ZNF521: variants seen among roughly 807,000 people sequenced by gnomAD.
ZNF521 encodes LYST-interacting protein 3.
ZNF521 carries 14 observed loss-of-function variants against 105.5 expected under a neutral mutation model. The ratio of observed to expected loss-of-function variants is 0.13; its 90% CI spans 0.09 to 0.21. The LOEUF is 0.21. Ranked by LOEUF, ZNF521 falls within the 10% of genes least tolerant of loss-of-function variation. The probability of loss-of-function intolerance (pLI) is 1.00; values close to 1 mark genes in which losing one functional copy is unlikely to be tolerated. For synonymous variants in ZNF521, 635 were observed against 606.0 expected (o/e 1.05, Z -0.70); for missense variants, 1,233 against 1,629.7 (o/e 0.76, Z 4.19).
chr18:25,284,953 G>C (rs1243467080), intron 3 of ZNF521, among the ~76,000 whole-genome samples: 4 of 151,102 alleles, frequency 2.6e-5, no homozygotes, highest in Non-Finnish European at 4.4e-5. Flanking sequence ...TCAGGCATCT[G>C]ACTATTTCAA....
At chr18:25,108,607 T>C (rs2034120432) in intron 5 of ZNF521, among the ~76,000 whole-genome samples, 3 of 152,166 alleles carry the variant, frequency 2.0e-5, no homozygotes, top group South Asian at 4.1e-4. Flanking sequence ...CCAAATACAA[T>C]AGAGCTATGG....
intron 3 of ZNF521, among the ~76,000 whole-genome samples, chr18:25,245,128 T>C (rs929130123): frequency 3.3e-5 from 5 of 152,258 alleles, no homozygotes; most frequent in Non-Finnish European, 7.3e-5. Context: ...CAAGGTTGTT[T>C]AGCCTCAGCA....
chr18:25,095,769 A>G (rs1252677123), intron 5 of ZNF521, among the ~76,000 whole-genome samples: 1 of 152,234 alleles, frequency 6.6e-6, no homozygotes, highest in East Asian at 1.9e-4. Flanking sequence ...TATTCTAGCC[A>G]CGTATGTACA....
intron 7 of ZNF521, among the ~76,000 whole-genome samples, chr18:25,063,878 C>T (rs1299353139): frequency 6.6e-6 from 1 of 152,196 alleles, no homozygotes; most frequent in Non-Finnish European, 1.5e-5. Flanking sequence ...TCACCACTTC[C>T]ATCCTCACCC....
intron 5 of ZNF521, among the ~76,000 whole-genome samples, chr18:25,092,338 T>C (rs9967069): frequency 0.011 from 1,697 of 152,324 alleles, 32 homozygotes; most frequent in African/African-American, 0.038. Context: ...ACTTTTAAAA[T>C]ATAATTGGTG....
At chr18:25,326,404 T>A (rs962554095) in intron 2 of ZNF521, among the ~76,000 whole-genome samples, 8 of 152,206 alleles carry the variant, frequency 5.3e-5, no homozygotes, top group African/African-American at 1.9e-4. Flanking sequence ...GTTATAATTA[T>A]TACCAGGCAA....
At chr18:25,175,985 C>A (rs1470709365) in intron 5 of ZNF521, among the ~76,000 whole-genome samples, 1 of 152,198 alleles carries the variant, frequency 6.6e-6, no homozygotes, top group Non-Finnish European at 1.5e-5. Flanking sequence ...ATGCCTTACA[C>A]ACAATACAGC....
chr18:25,262,274 A>G (rs1303839723), intron 3 of ZNF521, among the ~76,000 whole-genome samples: 2 of 152,232 alleles, frequency 1.3e-5, no homozygotes. Context: ...GAAAACAGCA[A>G]CAATTTTAAG....
chr18:25,083,298 C>G (rs1307835600), intron 7 of ZNF521, among the ~76,000 whole-genome samples: 1 of 152,184 alleles, frequency 6.6e-6, no homozygotes, highest in Admixed American at 6.5e-5. Flanking sequence ...AACTGATTAA[C>G]ATGAAACCAT....
At chr18:25,181,129 ACACAACGGT>A (rs1254767903) in intron 5 of ZNF521, among the ~76,000 whole-genome samples, 2 of 152,152 alleles carry the variant, frequency 1.3e-5, no homozygotes, top group Admixed American at 6.6e-5. Context: ...GAAGCCTCCC[ACACAACGGT>A]CAGCTTTCCT....
chr18:25,243,290 C>T (rs1568031337), intron 3 of ZNF521, among the ~76,000 whole-genome samples: 1 of 152,134 alleles, frequency 6.6e-6, no homozygotes, highest in Non-Finnish European at 1.5e-5. Context: ...TGGTATCATG[C>T]CTCAATTTAC....
intron 5 of ZNF521, among the ~76,000 whole-genome samples, chr18:25,095,017 C>T (rs1299822652): frequency 6.6e-6 from 1 of 151,856 alleles, no homozygotes; most frequent in East Asian, 1.9e-4. Context: ...CTTCTAATTC[C>T]ATATTTACCT....
intron 5 of ZNF521, among the ~76,000 whole-genome samples, chr18:25,162,785 G>A (rs1290618023): frequency 3.3e-5 from 5 of 152,154 alleles, no homozygotes; most frequent in Non-Finnish European, 1.5e-5. Context: ...TCTGTGTCTG[G>A]AGTATTTTAA....
rs1295813334 is a variant in ZNF521 at position 25,336,397 on chromosome 18, T to C, written c.41-14210A>G. Among the ~76,000 whole-genome samples, 3 of 152,214 alleles carry C rather than the reference T, an allele frequency of 2.0e-5. No homozygotes were observed. The East Asian group carries it at 5.8e-4, about 29-fold the overall frequency. On this transcript the variant is annotated intron_variant, in intron 2 of 7. Transcript: ENST00000361524. Reference sequence around the variant, plus strand: ...AACTTTCATAATGATATGTGAATTATTTGTCTCCAGTTCCTCTCCCAAGAA... The same window carrying C: ...AACTTTCATAATGATATGTGAATTACTTGTCTCCAGTTCCTCTCCCAAGAA...
At chr18:25,332,318 G>T (rs1316153985) in intron 2 of ZNF521, among the ~76,000 whole-genome samples, 3 of 142,730 alleles carry the variant, frequency 2.1e-5, no homozygotes, top group African/African-American at 8.0e-5. Flanking sequence ...ATAACATAAG[G>T]CACAAATTTG....
At chr18:25,221,323 T>C (rs1905712937) in intron 4 of ZNF521, among the ~76,000 whole-genome samples, 1 of 152,222 alleles carries the variant, frequency 6.6e-6, no homozygotes, top group Non-Finnish European at 1.5e-5. Context: ...TTGCAGGGTT[T>C]TATATAGTAC....
chr18:25,335,475 A>G (rs1913822064), intron 2 of ZNF521, among the ~76,000 whole-genome samples: 1 of 152,196 alleles, frequency 6.6e-6, no homozygotes, highest in Admixed American at 6.5e-5. Context: ...CTTTCGGGAA[A>G]CTAAACTAGC....
chr18:25,090,764 G>A (rs2033727589), intron 6 of ZNF521, among the ~76,000 whole-genome samples: 1 of 152,148 alleles, frequency 6.6e-6, no homozygotes, highest in East Asian at 1.9e-4. Flanking sequence ...TAATCGTGAG[G>A]TGACCTATGA....
At position 25,224,745 on chromosome 18, in the gene ZNF521, C is replaced by T. The variant is rs1489131193; in HGVS notation, c.3173G>A (p.Gly1058Asp). The change falls in exon 4 of 8, where the codon GGC becomes GAC. Residue 1058 changes from glycine to aspartate, a missense_variant. Coordinates refer to ENST00000361524, the MANE Select transcript of ZNF521 (RefSeq NM_015461.3). Reference protein sequence around the residue: ...NGSAVQTTGRGQHVQKLYKCA... With the variant: ...NGSAVQTTGRDQHVQKLYKCA... ...CTTATACAGTTTTTGGACGTGCTGG[C>T]CCCGCCCTGTGGTCTGAACTGCAGA... 1 of 1,613,906 alleles carries T rather than the reference C, an allele frequency of 6.2e-7. No individual in the cohort carries two copies. Among genetic ancestry groups the T allele is most frequent in the South Asian group, 1.1e-5 (1 of 91,080 alleles).
Sources: gnomAD v4.1 joint callset for allele counts (sites outside exome capture counted in the v4.1 genomes callset) on GRCh38, gnomAD v4.1.1 for gene constraint, MANE v1.5 for transcripts, NCBI Gene and HGNC (gene_info 2026-07-23, HGNC 2026-07-21) for gene names.